The following TPTE2 variants were observed in gnomAD, a reference collection of about 807,000 sequenced individuals.
TPTE2 encodes transmembrane phosphoinositide 3-phosphatase and tensin homolog 2, also known as phosphatidylinositol 3,4,5-trisphosphate 3-phosphatase TPTE2.
A neutral mutation model predicts 78.6 loss-of-function variants in TPTE2; 53 were observed. The ratio of observed to expected loss-of-function variants is 0.67; its 90% confidence interval spans 0.54 to 0.85. TPTE2 has a LOEUF of 0.85. Among genes scored for constraint, TPTE2 ranks in the 40% least tolerant of loss-of-function variants. TPTE2 has a pLI of 0.00. For missense variants in TPTE2, 461 were observed against 623.0 expected (o/e 0.74, Z 2.77); for synonymous variants, 175 against 206.2 (o/e 0.85, Z 1.30).
upstream of TPTE2, among the ~76,000 whole-genome samples, chr13:19,538,160 G>A (rs927521707): frequency 6.6e-5 from 10 of 152,036 alleles, no homozygotes; most frequent in Non-Finnish European, 1.3e-4. Context: ...TTATGCTTTT[G>A]ATATCTTAAA....
chr13:19,455,519 T>C (rs1878487255), intron 10 of TPTE2, among the ~76,000 whole-genome samples: 1 of 152,144 alleles, frequency 6.6e-6, no homozygotes, highest in Non-Finnish European at 1.5e-5. Flanking sequence ...AACATACCCA[T>C]CATATTCATC....
At chr13:19,426,465 G>A in exon 18 of TPTE2, 2 of 1,607,216 alleles carry the variant, frequency 1.2e-6, no homozygotes, top group South Asian at 1.1e-5. Flanking sequence ...ATACAGAGGT[G>A]GACCGTCATA....
intron 1 of TPTE2, among the ~76,000 whole-genome samples, chr13:19,512,602 A>G (rs1025939411): frequency 1.0e-4 from 15 of 150,488 alleles, no homozygotes; most frequent in African/African-American, 3.7e-4. Flanking sequence ...TTTTTGAGAC[A>G]GAGTTTTGCT....
Position 19,475,624 on chromosome 13 carries a change from C to T in TPTE2, c.180-1G>A. The T allele has an allele frequency of 1.2e-6, 2 of 1,607,018 alleles. No individual in the cohort carries two copies. ...ATGCACAATTTTCTTAATCTTGCTGCTGCAAAAAGAAGTAAAAATAAAATT... is the reference window on the plus strand; with the variant it reads ...ATGCACAATTTTCTTAATCTTGCTGTTGCAAAAAGAAGTAAAAATAAAATT... On this transcript the variant is annotated splice_acceptor_variant, in intron 4 of 19. Coordinates refer to ENST00000400230, the Ensembl canonical transcript of TPTE2. LOFTEE classifies it high-confidence loss of function.
At chr13:19,476,842 T>C (rs1246665756) in intron 4 of TPTE2, among the ~76,000 whole-genome samples, 1 of 152,156 alleles carries the variant, frequency 6.6e-6, no homozygotes, top group East Asian at 1.9e-4. Context: ...ACTATTTGAC[T>C]GAGCAATCCC....
the TPTE2 span, chr13:19,559,954 G>A: frequency 2.4e-6 from 1 of 409,124 alleles, no homozygotes; most frequent in African/African-American, 2.6e-5. Context: ...CCCAGCCCTT[G>A]GGGCTGACCC....
intron 14 of TPTE2, 32 bp downstream of exon 17, chr13:19,438,060 A>G (rs913444929): frequency 7.3e-5 from 117 of 1,597,544 alleles, no homozygotes; most frequent in Non-Finnish European, 9.2e-5. Context: ...CTCAATCATC[A>G]TAAGAGAAAG....
At position 19,470,600 on chromosome 13, in the gene TPTE2, A is replaced by C. The variant is rs182239957; in HGVS notation, c.393-3256T>G. ...GAGTGCAGTGGTGTGATCTCAGCTC[A>C]CTGCAACCTCTGCCTCCCAGGTTCA... On this transcript the variant is annotated intron_variant, in intron 6 of 19. Coordinates refer to ENST00000400230, the Ensembl canonical transcript of TPTE2. 8.5e-3 allele frequency among the ~76,000 whole-genome samples: 1,287 copies of C among 152,058 alleles called. 15 individuals carry two copies. Among genetic ancestry groups the C allele is most frequent in the African/African-American group, 0.028 (1,160 of 41,462 alleles).
At chr13:19,441,101 AT>A (rs1479706654) in intron 13 of TPTE2, among the ~76,000 whole-genome samples, 1 of 151,542 alleles carries the variant, frequency 6.6e-6, no homozygotes, top group Non-Finnish European at 1.5e-5. Flanking sequence ...AAAAAAAAAA[AT>A]AATTTCCTTT....
intron 5 of TPTE2, among the ~76,000 whole-genome samples, chr13:19,475,317 C>T (rs1338108912): frequency 2.0e-5 from 3 of 151,978 alleles, no homozygotes; most frequent in Non-Finnish European, 2.9e-5. Context: ...CCTATGCCTC[C>T]TCGGTCCAAG....
chr13:19,503,276 G>T lies in TPTE2; in HGVS notation c.-42C>A, dbSNP rs752725903. On this transcript the variant is annotated 5_prime_UTR_variant, in exon 1 of 20. Coordinates refer to ENST00000400230, the Ensembl canonical transcript of TPTE2. ...ACTCCTGATAATTCATTTGTGGGTG[G>T]ACTAGAGGATGACAAAAGAATACAG... The T allele has an allele frequency of 3.1e-6, 5 of 1,613,560 alleles. No homozygotes were observed. In the South Asian group the frequency reaches 3.3e-5, roughly 11 times the overall value.
intron 1 of TPTE2, among the ~76,000 whole-genome samples, chr13:19,532,213 T>C (rs1163834102): frequency 6.6e-6 from 1 of 152,202 alleles, no homozygotes; most frequent in African/African-American, 2.4e-5. Context: ...TCTGATTAAA[T>C]GCTTGTCTTT....
At chr13:19,544,074 A>AAAAAAAAAAAAAAAAAAC in the TPTE2 span, among the ~76,000 whole-genome samples, 4 of 149,398 alleles carry the variant, frequency 2.7e-5, no homozygotes, top group Non-Finnish European at 4.5e-5. Context: ...AAAAAAAAAA[A>AAAAAAAAAAAAAAAAAAC]AAAAAAAAGC....
chr13:19,456,379 G>C lies in TPTE2; in HGVS notation c.742-5154C>G, dbSNP rs1433729159. The stretch of plus-strand genomic sequence containing the variant: ...GCCTGCTTGTAGTCCCAGCTATGTG[G>C]GAGACTGAGGTGGGAGAAATGCTTG... On this transcript the variant is annotated intron_variant, in intron 10 of 19. Transcript: ENST00000400230. 2.6e-5 allele frequency among the ~76,000 whole-genome samples: 4 copies of C among 152,092 alleles called. No homozygotes were observed. In the East Asian group the frequency reaches 7.7e-4, roughly 29 times the overall value.
At chr13:19,516,748 C>T (rs1370151456) in intron 1 of TPTE2, among the ~76,000 whole-genome samples, 4 of 152,130 alleles carry the variant, frequency 2.6e-5, no homozygotes, top group East Asian at 1.9e-4. Flanking sequence ...GGCAACCAGC[C>T]GCCCCTGTAG....
chr13:19,492,635 G>A (rs1881066329), intron 3 of TPTE2, among the ~76,000 whole-genome samples: 1 of 152,164 alleles, frequency 6.6e-6, no homozygotes, highest in South Asian at 2.1e-4. Context: ...AAAATACTCT[G>A]TATGGCCATG....
At chr13:19,491,990 C>T (rs530073679) in intron 3 of TPTE2, among the ~76,000 whole-genome samples, 4 of 151,956 alleles carry the variant, frequency 2.6e-5, no homozygotes, top group Admixed American at 2.0e-4. Flanking sequence ...CCTAGATGTT[C>T]CCTTAATCAG....
intron 14 of TPTE2, 38 bp from the exon 18 acceptor site, chr13:19,436,344 C>T (rs754363046): frequency 2.6e-6 from 4 of 1,562,702 alleles, no homozygotes; most frequent in South Asian, 1.1e-5. Flanking sequence ...GGTTCATCTG[C>T]ACTCTTTCCT....
In TPTE2 at chr13:19,491,160, G is replaced by A. The variant is rs545071863; in HGVS notation, c.119+1690C>T. ...CCTTTCTACATGTATACTTTTGTGTGTGTCTATGTGTGTATTTACATATAT... is the reference window on the plus strand; with the variant it reads ...CCTTTCTACATGTATACTTTTGTGTATGTCTATGTGTGTATTTACATATAT... On this transcript the variant is annotated intron_variant, in intron 3 of 19. Coordinates refer to ENST00000400230, the Ensembl canonical transcript of TPTE2. 2.2e-4 allele frequency among the ~76,000 whole-genome samples: 34 copies of A among 152,264 alleles called. No homozygotes were observed. The South Asian group carries it at 7.1e-3, about 32-fold the overall frequency.
Sources: allele counts gnomAD v4.1 joint callset (sites outside exome capture counted in the v4.1 genomes callset), GRCh38; gene constraint gnomAD v4.1.1; transcripts MANE v1.5; gene names NCBI Gene and HGNC (gene_info 2026-07-23, HGNC 2026-07-21).